DLG2: variants seen among roughly 807,000 people sequenced by gnomAD.
DLG2 encodes disks large homolog 2.
DLG2 carries 45 observed loss-of-function variants against 132.5 expected under a neutral mutation model. The ratio of observed to expected loss-of-function variants is 0.34; its 90% CI spans 0.27 to 0.44. The LOEUF is 0.44. Ranked by LOEUF, DLG2 falls within the 20% of genes least tolerant of loss-of-function variation. The pLI is 1.00. For missense variants in DLG2, 1,045 were observed against 1,196.9 expected, an observed-to-expected ratio of 0.87 and a Z score of 1.87; for synonymous variants, 424 against 419.6, an observed-to-expected ratio of 1.01 and a Z score of -0.13.
chr11:85,355,376 C>T (rs1002522678), intron 3 of DLG2, among the ~76,000 whole-genome samples: 2 of 151,896 alleles, frequency 1.3e-5, no homozygotes, highest in Non-Finnish European at 2.9e-5. Flanking sequence ...TTATATTTTA[C>T]TTTCTTTTTT....
At chr11:84,170,393 G>C (rs563283212) in intron 8 of DLG2, among the ~76,000 whole-genome samples, 1 of 152,256 alleles carries the variant, frequency 6.6e-6, no homozygotes, top group East Asian at 1.9e-4. Flanking sequence ...ACAAAGTTGG[G>C]TGAAATATGG....
chr11:84,082,616 G>C (rs2096920916), intron 10 of DLG2, among the ~76,000 whole-genome samples: 1 of 152,188 alleles, frequency 6.6e-6, no homozygotes, highest in Non-Finnish European at 1.5e-5. Context: ...GATGTTGGCA[G>C]GGCTTTGTGT....
At position 84,944,079 on chromosome 11, in the gene DLG2, C is replaced by T. The variant is rs535796709; in HGVS notation, c.357+167582G>A. 7.9e-5 allele frequency among the ~76,000 whole-genome samples: 12 copies of T among 152,168 alleles called. No individual in the cohort carries two copies. The South Asian group carries it at 1.5e-3, about 18-fold the overall frequency. On this transcript the variant is annotated intron_variant, in intron 6 of 27. Coordinates refer to ENST00000376104, the MANE Select transcript of DLG2 (RefSeq NM_001142699.3). ...TTCTCCCAGCCTGTAAAGATTCTACCGAGAAATCTGCTGCCAGATGTATTG... is the reference window on the plus strand; with the variant it reads ...TTCTCCCAGCCTGTAAAGATTCTACTGAGAAATCTGCTGCCAGATGTATTG...
intron 4 of DLG2, among the ~76,000 whole-genome samples, chr11:85,211,031 C>T (rs865998107): frequency 3.9e-5 from 6 of 152,174 alleles, no homozygotes; most frequent in Middle Eastern, 3.4e-3. Flanking sequence ...TACAATAAAA[C>T]TTATAGCATA....
At chr11:85,082,362 G>T (rs1484484969) in intron 6 of DLG2, among the ~76,000 whole-genome samples, 1 of 152,032 alleles carries the variant, frequency 6.6e-6, no homozygotes, top group African/African-American at 2.4e-5. Context: ...AAATAGAAGG[G>T]GAGAGTTGCC....
At position 85,315,010 on chromosome 11, in the gene DLG2, T is replaced by C. The variant is rs370192185; in HGVS notation, c.41-29645A>G. Among the ~76,000 whole-genome samples, 102 of 152,122 alleles carry C rather than the reference T, an allele frequency of 6.7e-4. 1 individual carries two copies. Among genetic ancestry groups the C allele is most frequent in the South Asian group, 6.0e-3 (29 of 4,828 alleles). On this transcript the variant is annotated intron_variant, in intron 3 of 27. Transcript: ENST00000376104. ...AAAGTGAGAGGCAACTCAGGGTACA[T>C]GAGGTTGGCATGAGAGAATTATGAG...
chr11:85,350,887 T>G (rs2083239185), intron 3 of DLG2, among the ~76,000 whole-genome samples: 1 of 152,220 alleles, frequency 6.6e-6, no homozygotes, highest in Non-Finnish European at 1.5e-5. Flanking sequence ...GTCTTGGCAA[T>G]GCAGGCTCTT....
intron 7 of DLG2, among the ~76,000 whole-genome samples, chr11:84,473,837 T>G (rs972191235): frequency 6.6e-6 from 1 of 152,068 alleles, no homozygotes; most frequent in Non-Finnish European, 1.5e-5. Context: ...TCATTGTTAT[T>G]CTAAGCATCC....
At chr11:83,657,989 C>T (rs2073178982) in intron 18 of DLG2, among the ~76,000 whole-genome samples, 2 of 152,194 alleles carry the variant, frequency 1.3e-5, no homozygotes, top group African/African-American at 2.4e-5. Context: ...AGACATGGCT[C>T]TGCTGTGTGA....
At chr11:85,100,574 T>C (rs1488322408) in intron 6 of DLG2, among the ~76,000 whole-genome samples, 4 of 152,128 alleles carry the variant, frequency 2.6e-5, no homozygotes, top group African/African-American at 7.2e-5. Flanking sequence ...TTATCTACAC[T>C]GAAAAGCCCA....
chr11:85,266,151 T>C (rs2077197657), intron 4 of DLG2, among the ~76,000 whole-genome samples: 1 of 152,194 alleles, frequency 6.6e-6, no homozygotes, highest in African/African-American at 2.4e-5. Context: ...CTCTGAAGCC[T>C]TGGAGTCATG....
At chr11:85,276,337 G>A (rs369891284) in intron 4 of DLG2, among the ~76,000 whole-genome samples, 19 of 152,230 alleles carry the variant, frequency 1.2e-4, no homozygotes, top group African/African-American at 4.6e-4. Flanking sequence ...TTACAAGAAT[G>A]AATGTTTAAA....
Position 84,515,657 on chromosome 11 carries a change from C to T in DLG2, c.519+18913G>A, listed in dbSNP as rs1389983963. On this transcript the variant is annotated intron_variant, in intron 7 of 27. Transcript: ENST00000376104. The stretch of plus-strand genomic sequence containing the variant: ...AATAGTAGGAGACTTTATCACCCCA[C>T]TTTTAACAATGGAGAGATTATTCAG... 3.9e-5 allele frequency among the ~76,000 whole-genome samples: 6 copies of T among 151,940 alleles called. No individual in the cohort carries two copies. In the East Asian group the frequency reaches 1.2e-3, roughly 29 times the overall value.
At chr11:84,313,689 A>G (rs538587729) in intron 7 of DLG2, among the ~76,000 whole-genome samples, 6 of 93,282 alleles carry the variant, frequency 6.4e-5, no homozygotes, top group Non-Finnish European at 1.4e-4. Flanking sequence ...AAGAAAGAAA[A>G]AGAAAGAGGA....
intron 11 of DLG2, among the ~76,000 whole-genome samples, chr11:83,982,957 CAGGCTATACTACATAGCCT>C (rs1396864340): frequency 6.6e-6 from 1 of 152,116 alleles, no homozygotes; most frequent in African/African-American, 2.4e-5. Flanking sequence ...CAAGGAACAA[CAGGCTATACTACATAGCCT>C]AGGCTTGTAG....
At chr11:85,280,118 T>C (rs1423044846) in intron 4 of DLG2, among the ~76,000 whole-genome samples, 2 of 152,054 alleles carry the variant, frequency 1.3e-5, no homozygotes, top group African/African-American at 4.8e-5. Flanking sequence ...AAAGCATATA[T>C]ATATATCCTT....
intron 6 of DLG2, among the ~76,000 whole-genome samples, chr11:84,919,992 T>C (rs1314276730): frequency 2.0e-5 from 3 of 152,226 alleles, no homozygotes; most frequent in Non-Finnish European, 4.4e-5. Context: ...GCCAATGTAA[T>C]GTGAACCTTT....
intron 6 of DLG2, among the ~76,000 whole-genome samples, chr11:85,019,932 G>A (rs2059899346): frequency 6.6e-6 from 1 of 152,180 alleles, no homozygotes; most frequent in Non-Finnish European, 1.5e-5. Flanking sequence ...AAACATACGT[G>A]TGCATGTGTC....
chr11:85,294,306 T>C (rs557240991), intron 3 of DLG2, among the ~76,000 whole-genome samples: 54 of 151,880 alleles, frequency 3.6e-4, no homozygotes, highest in Admixed American at 1.8e-3. Context: ...CTAGGAGGTG[T>C]TAGTGATAAG....
Sources: gnomAD v4.1 joint callset for allele counts (sites outside exome capture counted in the v4.1 genomes callset) on GRCh38, gnomAD v4.1.1 for gene constraint, MANE v1.5 for transcripts, NCBI Gene and HGNC (gene_info 2026-07-23, HGNC 2026-07-21) for gene names.